AGXT: variants seen among roughly 807,000 people sequenced by gnomAD.
AGXT encodes the protein alanine--glyoxylate aminotransferase.
AGXT carries 41 observed loss-of-function variants against 46.9 expected under a neutral mutation model. The observed-to-expected ratio is 0.88, with a 90% CI of 0.68 to 1.14. AGXT has a LOEUF of 1.14. Ranked by LOEUF, AGXT falls within the 50% of genes most tolerant of loss-of-function variation. The pLI is 0.00. For missense variants in AGXT, 525 were observed against 522.7 expected, an observed-to-expected ratio of 1.00 and a Z score of -0.04; for synonymous variants, 244 against 227.9, an observed-to-expected ratio of 1.07 and a Z score of -0.64.
chr2:240,870,138 C>G (rs2058983706), intron 2 of AGXT, among the ~76,000 whole-genome samples: 1 of 152,164 alleles, frequency 6.6e-6, no homozygotes. Flanking sequence ...TGGCCCTGAA[C>G]AGCACACAGG....
Position 240,868,840 on chromosome 2 carries a change from C to T in AGXT, c.-26C>T. The T allele has an allele frequency of 6.2e-7, 1 of 1,603,004 alleles. No homozygotes were observed. Among genetic ancestry groups the T allele is most frequent in the South Asian group, 1.1e-5 (1 of 89,482 alleles). On this transcript the variant is annotated 5_prime_UTR_variant, in exon 1 of 11. Transcript: ENST00000307503. ...GCCAAGGCCAGTGCAGCCCCAGGTT[C>T]CCGAGCGGCAGGTTGGGTGCGGACC...
chr2:240,875,301 C>G, intron 7 of AGXT, 97 bp downstream of exon 7: 1 of 1,063,642 alleles, frequency 9.4e-7, no homozygotes, highest in South Asian at 1.4e-5. Context: ...TCCAAGCCCC[C>G]CACCTTCATG....
At chr2:240,869,112 G>C (rs1205821422) in intron 1 of AGXT, 58 bp from the exon 2 acceptor site, 2 of 1,611,162 alleles carry the variant, frequency 1.2e-6, no homozygotes, top group Non-Finnish European at 1.7e-6. Flanking sequence ...GGGGGTCACT[G>C]CCTCCTCACT....
rs568440278 is a variant in AGXT at position 240,875,269 on chromosome 2, C to T, written c.776+65C>T. 211 of 1,350,502 alleles carry T rather than the reference C, an allele frequency of 1.6e-4. 1 individual carries two copies. The South Asian group carries it at 2.3e-3, about 15-fold the overall frequency. 83.7% of individuals were successfully genotyped at this position (1,350,502 alleles called of 1,614,324 possible). Reference sequence around the variant, plus strand: ...CATGGCTGAGAGGTGGGGCGCTGGCCTCTCACTGCACTCAGGGATTCTCCA... The same window carrying T: ...CATGGCTGAGAGGTGGGGCGCTGGCTTCTCACTGCACTCAGGGATTCTCCA... On this transcript the variant is annotated intron_variant, in intron 7 of 10. Coordinates refer to ENST00000307503, the MANE Select transcript of AGXT (RefSeq NM_000030.3).
At chr2:240,871,522 C>T in intron 4 of AGXT, 73 bp downstream of exon 4, 1 of 1,378,590 alleles carries the variant, frequency 7.3e-7, no homozygotes, top group Non-Finnish European at 1.0e-6. Context: ...GGGCACTGGT[C>T]CCTCTGGTCC....
rs987418823 is a variant in AGXT, at chr2:240,878,998, A to G, written c.*177A>G. ...GGCCCCAGGCAGCCCTTTTCCCTCC[A>G]GTGGCACCTCCTGGAAACAGTCCAC... On this transcript the variant is annotated 3_prime_UTR_variant, in exon 11 of 11. Transcript: ENST00000307503. The G allele has an allele frequency of 1.5e-6, 1 of 662,056 alleles. No individual in the cohort carries two copies. Among genetic ancestry groups the G allele is most frequent in the African/African-American group, 1.8e-5 (1 of 56,046 alleles). The allele number at this position is 662,056 out of a possible 1,614,324, so 41.0% of individuals were successfully genotyped here.
rs375712696 is a variant in AGXT, at chr2:240,868,896, C to G, written c.31C>G (p.Pro11Ala). 86 of 1,612,982 alleles carry G rather than the reference C, an allele frequency of 5.3e-5. No homozygotes were observed. Among genetic ancestry groups the G allele is most frequent in the Admixed American group, 2.3e-4 (14 of 59,994 alleles). The change falls in exon 1 of 11, where the codon CCC (proline) becomes GCC (alanine). Residue 11 changes from proline (P) to alanine (A), a missense_variant. Transcript: ENST00000307503. MASHKLLVTP[P>A]KALLKPLSIP... is the part of the protein sequence containing the mutation. The stretch of plus-strand genomic sequence containing the variant: ...CTCTCACAAGCTGCTGGTGACCCCC[C>G]CCAAGGCCCTGCTCAAGCCCCTCTC...
At position 240,874,948 on chromosome 2, in the gene AGXT, A is replaced by C. The variant is rs535684919; in HGVS notation, c.681-161A>C. 1.5e-3 allele frequency among the ~76,000 whole-genome samples: 224 copies of C among 152,122 alleles called. 1 individual carries two copies. The highest frequency in any genetic ancestry group is 3.4e-3 in the Middle Eastern group (1 of 294). Reference sequence around the variant, plus strand: ...TGGACAGCTGAGGGACCCACGACCCACCCGGTCCCACTCTGGCCCCTGAGC... The same window carrying C: ...TGGACAGCTGAGGGACCCACGACCCCCCCGGTCCCACTCTGGCCCCTGAGC... On this transcript the variant is annotated intron_variant, in intron 6 of 10. Coordinates refer to ENST00000307503, the MANE Select transcript of AGXT (RefSeq NM_000030.3).
At position 240,878,158 on chromosome 2, in the gene AGXT, G is replaced by A. The variant is rs779129006; in HGVS notation, c.1071+8G>A. 3.1e-6 allele frequency: 5 copies of A among 1,612,246 alleles called. No homozygotes were observed. The highest frequency in any genetic ancestry group is 1.7e-5 in the Admixed American group (1 of 59,982). On this transcript the variant is annotated splice_region_variant and intron_variant, in intron 10 of 10. Transcript: ENST00000307503. ...GGGCCCTCCACGGGGAAGGTGAGAGGGAGCGCCTCGAGGGCCTTTTGCAGA... is the reference window on the plus strand; with the variant it reads ...GGGCCCTCCACGGGGAAGGTGAGAGAGAGCGCCTCGAGGGCCTTTTGCAGA...
chr2:240,873,535 C>G (rs868144485), intron 5 of AGXT: 1 of 271,910 alleles, frequency 3.7e-6, no homozygotes, highest in African/African-American at 2.2e-5. Context: ...CATCCGCTTA[C>G]GGGAGAGAGC....
In AGXT at chr2:240,875,273, C is replaced by T. The variant is rs13430507; in HGVS notation, c.776+69C>T. On this transcript the variant is annotated intron_variant, in intron 7 of 10. Coordinates refer to ENST00000307503, the MANE Select transcript of AGXT (RefSeq NM_000030.3). ...GCTGAGAGGTGGGGCGCTGGCCTCT[C>T]ACTGCACTCAGGGATTCTCCAAGCC... 0.018 allele frequency: 24,227 copies of T among 1,322,580 alleles called. 2,031 individuals carry two copies. The East Asian group carries it at 0.26, about 14-fold the overall frequency. The allele number at this position is 1,322,580 out of a possible 1,614,324, so 81.9% of individuals were successfully genotyped here.
intron 6 of AGXT, 84 bp downstream of exon 6, chr2:240,874,146 C>T: frequency 5.7e-6 from 8 of 1,394,166 alleles, no homozygotes; most frequent in East Asian, 2.3e-5. Context: ...GGGCGGGAGC[C>T]AGGCAGGAAG....
intron 4 of AGXT, among the ~76,000 whole-genome samples, chr2:240,872,437 T>C: frequency 7.0e-6 from 1 of 143,774 alleles, no homozygotes; most frequent in South Asian, 2.3e-4. Flanking sequence ...AGGGTGAGAG[T>C]TCGTGAACAT....
chr2:240,869,286 G>A lies in AGXT; in HGVS notation c.282G>A (p.Leu94=), dbSNP rs2058978609. 1.9e-6 allele frequency: 3 copies of A among 1,613,268 alleles called. No homozygotes were observed. The highest frequency in any genetic ancestry group is 2.2e-5 in the South Asian group (2 of 91,060). ...CALEAALVNV[L]EPGDSFLVGA... is the part of the protein sequence containing the mutation. The stretch of plus-strand genomic sequence containing the variant: ...TGGAGGCCGCCCTGGTCAATGTGCT[G>A]GAGCCTGGGGACTCCTTCCTGGTTG... Residue 94 remains leucine, a synonymous_variant, in exon 2 of 11, where the codon CTG becomes CTA. Transcript: ENST00000307503.
intron 8 of AGXT, chr2:240,877,295 G>A: frequency 1.5e-6 from 1 of 679,022 alleles, no homozygotes; most frequent in Non-Finnish European, 2.7e-6. Flanking sequence ...TCTCCCCCAG[G>A]GGCCACAGGC....
At chr2:240,874,440 C>A (rs369207353) in intron 6 of AGXT, among the ~76,000 whole-genome samples, 4 of 152,218 alleles carry the variant, frequency 2.6e-5, no homozygotes, top group African/African-American at 9.6e-5. Context: ...CCCTGCAGTC[C>A]CAATCTCACC....
intron 7 of AGXT, among the ~76,000 whole-genome samples, chr2:240,875,696 C>T (rs2059020969): frequency 1.3e-5 from 2 of 152,232 alleles, no homozygotes; most frequent in Non-Finnish European, 2.9e-5. Flanking sequence ...TGGCACGTGT[C>T]TCTGCTCCTG....
chr2:240,874,183 G>A (rs1193356126), intron 6 of AGXT, 121 bp downstream of exon 6: 3 of 968,774 alleles, frequency 3.1e-6, no homozygotes, highest in Non-Finnish European at 4.7e-6. Flanking sequence ...CCAGCACCTG[G>A]CGCTCTCCCG....
chr2:240,872,015 G>A (rs1399356288), intron 4 of AGXT, among the ~76,000 whole-genome samples: 3 of 152,260 alleles, frequency 2.0e-5, no homozygotes, highest in African/African-American at 4.8e-5. Flanking sequence ...TGCATGGACC[G>A]TGGCCATGAA....
Sources: gnomAD v4.1 joint callset for allele counts (sites outside exome capture counted in the v4.1 genomes callset) on GRCh38, gnomAD v4.1.1 for gene constraint, MANE v1.5 for transcripts, NCBI Gene and HGNC (gene_info 2026-07-23, HGNC 2026-07-21) for gene names.